Variants in CTNNA2 observed in about 807,000 individuals in gnomAD.
CTNNA2 encodes the protein catenin alpha 2.
Under a neutral mutation model 101.0 loss-of-function variants are expected in CTNNA2, and 42 were observed. That is an observed-to-expected ratio of 0.42 (90% CI 0.32 to 0.54). The LOEUF is 0.54. Ranked by LOEUF, CTNNA2 falls within the 20% of genes least tolerant of loss-of-function variation. The pLI is 0.14. For missense variants in CTNNA2, 871 were observed against 1,223.1 expected (o/e 0.71, Z 4.29); for synonymous variants, 450 against 456.4 (o/e 0.99, Z 0.18).
rs1417439422 is a variant in CTNNA2, at chr2:79,288,125, C to T, written c.-405-24584C>T. The stretch of plus-strand genomic sequence containing the variant: ...TTCACCTCGCGCATGGTGCGCGCAC[C>T]CACTGACCTGTGCCCACTGTCTGGC... On this transcript the variant is annotated intron_variant, in intron 2 of 21. Transcript: ENST00000466387. Among the ~76,000 whole-genome samples the T allele has an allele frequency of 3.3e-5, 5 of 152,298 alleles. No homozygotes were observed. In the South Asian group the frequency reaches 8.3e-4, roughly 25 times the overall value.
intron 1 of CTNNA2, among the ~76,000 whole-genome samples, chr2:79,565,203 G>A (rs1443264052): frequency 6.6e-6 from 1 of 151,426 alleles, no homozygotes; most frequent in Non-Finnish European, 1.5e-5. Context: ...TATTTGGCTT[G>A]CAGACCCTTT....
At chr2:79,437,017 T>A (rs915095246) in intron 4 of CTNNA2, among the ~76,000 whole-genome samples, 44 of 151,976 alleles carry the variant, frequency 2.9e-4, no homozygotes, top group Non-Finnish European at 5.6e-4. Flanking sequence ...GCAGATCACC[T>A]GAGGTCAGGA....
At position 79,684,248 on chromosome 2, in the gene CTNNA2, T is replaced by G. The variant is rs142488173; in HGVS notation, c.102+32590T>G. 2.1e-4 allele frequency among the ~76,000 whole-genome samples: 32 copies of G among 152,334 alleles called. No homozygotes were observed. The East Asian group carries it at 6.2e-3, about 29-fold the overall frequency. On this transcript the variant is annotated intron_variant, in intron 2 of 18. Transcript: ENST00000402739. ...AAAATAAAAGTTCATGAAATATCAT[T>G]TATACATATTCCATGCAATACTTTA...
At position 79,227,313 on chromosome 2, in the gene CTNNA2, A is replaced by C. The variant is rs1343640877; in HGVS notation, c.-406+29237A>C. Among the ~76,000 whole-genome samples, 6 of 152,242 alleles carry C rather than the reference A, an allele frequency of 3.9e-5. No individual in the cohort carries two copies. In the South Asian group the frequency reaches 8.3e-4, roughly 21 times the overall value. On this transcript the variant is annotated intron_variant, in intron 2 of 21. Coordinates refer to the CTNNA2 transcript ENST00000466387. ...GTAGGACTAGAAGGCAGAAGTAATA[A>C]ATTTACATTTATTCCATCATTTGAT... is the stretch of plus-strand genomic sequence containing the variant.
rs574834200 is a variant in CTNNA2 at position 79,513,185 on chromosome 2, G to C, written c.-28G>C. 6.5e-6 allele frequency: 1 copy of C among 152,828 alleles called. No homozygotes were observed. The highest frequency in any genetic ancestry group is 6.5e-5 in the Admixed American group (1 of 15,298). The allele number at this position is 152,828 out of a possible 1,614,324, so 9.5% of individuals were successfully genotyped here. On this transcript the variant is annotated 5_prime_UTR_variant, in exon 1 of 19. Coordinates refer to ENST00000402739, the MANE Select transcript of CTNNA2 (RefSeq NM_001282597.3). ...ACGGGCGAGAAAGAGGAGGAGGCGAGAAACTCCCACCGACCCACAGAGGTG... is the reference window on the plus strand; with the variant it reads ...ACGGGCGAGAAAGAGGAGGAGGCGACAAACTCCCACCGACCCACAGAGGTG...
intron 4 of CTNNA2, among the ~76,000 whole-genome samples, chr2:79,412,430 A>C (rs1382949180): frequency 2.0e-5 from 3 of 152,112 alleles, no homozygotes; most frequent in African/African-American, 7.2e-5. Context: ...ACCCCAAATC[A>C]ACAGAGTATA....
At chr2:80,477,903 G>C (rs971969022) in intron 9 of CTNNA2, among the ~76,000 whole-genome samples, 2 of 152,086 alleles carry the variant, frequency 1.3e-5, no homozygotes, top group African/African-American at 4.8e-5. Flanking sequence ...CCTTTGGGTA[G>C]ATATCCAGTA....
chr2:79,253,425 A>G (rs1456452009), intron 2 of CTNNA2, among the ~76,000 whole-genome samples: 2 of 152,190 alleles, frequency 1.3e-5, no homozygotes, highest in Non-Finnish European at 2.9e-5. Context: ...GTTTTCTCTC[A>G]CTGGTGCATG....
At chr2:79,556,868 T>G (rs923350449) in intron 1 of CTNNA2, among the ~76,000 whole-genome samples, 3 of 152,026 alleles carry the variant, frequency 2.0e-5, no homozygotes, top group Non-Finnish European at 4.4e-5. Flanking sequence ...AAGTACTGGT[T>G]TTAAAACATA....
chr2:80,198,679 A>G (rs887546712), intron 7 of CTNNA2, among the ~76,000 whole-genome samples: 1 of 152,196 alleles, frequency 6.6e-6, no homozygotes, highest in African/African-American at 2.4e-5. Context: ...CTGAAGTTGA[A>G]ATATGAAACA....
chr2:80,106,802 C>T (rs1476396310), intron 7 of CTNNA2, among the ~76,000 whole-genome samples: 3 of 152,168 alleles, frequency 2.0e-5, no homozygotes, highest in African/African-American at 7.2e-5. Context: ...AGGCGCCTGG[C>T]GTAAGATGAG....
At chr2:80,210,204 C>T (rs948766643) in intron 7 of CTNNA2, among the ~76,000 whole-genome samples, 1 of 152,044 alleles carries the variant, frequency 6.6e-6, no homozygotes, top group Non-Finnish European at 1.5e-5. Context: ...ACTTTCTGAA[C>T]ACATTGTTTT....
chr2:79,340,561 T>A (rs145056187), intron 3 of CTNNA2, among the ~76,000 whole-genome samples: 15 of 152,056 alleles, frequency 9.9e-5, no homozygotes, highest in Admixed American at 2.0e-4. Flanking sequence ...AGGCCGGGCG[T>A]GGTGGCTCAC....
chr2:80,071,433 T>C (rs1254797852), intron 7 of CTNNA2, among the ~76,000 whole-genome samples: 6 of 152,224 alleles, frequency 3.9e-5, no homozygotes, highest in African/African-American at 1.4e-4. Flanking sequence ...CATTCAGAAA[T>C]TGCCATCTCA....
chr2:79,324,368 CT>C (rs1236160697), intron 3 of CTNNA2, among the ~76,000 whole-genome samples: 1 of 152,082 alleles, frequency 6.6e-6, no homozygotes, highest in Non-Finnish European at 1.5e-5. Context: ...TCCTAGTTGT[CT>C]GGTACCAGGC....
intron 7 of CTNNA2, among the ~76,000 whole-genome samples, chr2:80,207,061 C>T (rs989959132): frequency 6.6e-6 from 1 of 152,152 alleles, no homozygotes; most frequent in Non-Finnish European, 1.5e-5. Flanking sequence ...TACTTATAGT[C>T]TCTGAGGCTA....
At chr2:80,043,208 T>C (rs1248573377) in intron 7 of CTNNA2, among the ~76,000 whole-genome samples, 2 of 139,458 alleles carry the variant, frequency 1.4e-5, no homozygotes, top group Non-Finnish European at 3.1e-5. Flanking sequence ...CTCTCTCTCT[T>C]TTTTTTTTTT....
At chr2:80,331,922 G>T (rs906138482) in intron 7 of CTNNA2, among the ~76,000 whole-genome samples, 15 of 152,070 alleles carry the variant, frequency 9.9e-5, no homozygotes, top group Non-Finnish European at 1.9e-4. Flanking sequence ...TCTGCTTGTT[G>T]TGTCAAATTT....
intron 7 of CTNNA2, among the ~76,000 whole-genome samples, chr2:80,225,390 T>C (rs1254635129): frequency 6.6e-6 from 1 of 152,200 alleles, no homozygotes; most frequent in Non-Finnish European, 1.5e-5. Context: ...ACTTAGGTTC[T>C]TAAGATTTAT....
Sources: allele counts gnomAD v4.1 joint callset (sites outside exome capture counted in the v4.1 genomes callset), GRCh38; gene constraint gnomAD v4.1.1; transcripts MANE v1.5; gene names NCBI Gene and HGNC (gene_info 2026-07-23, HGNC 2026-07-21).